The following BPIFB6 variants were observed in gnomAD, a reference collection of about 807,000 sequenced individuals.
The protein encoded by BPIFB6 is BPI fold-containing family B member 6.
A neutral mutation model predicts 54.7 loss-of-function variants in BPIFB6; 47 were observed. That is an observed-to-expected ratio of 0.86 (90% CI 0.68 to 1.10). BPIFB6 has a LOEUF of 1.10. Ranked by LOEUF, BPIFB6 falls within the 50% of genes least tolerant of loss-of-function variation. BPIFB6 has a pLI of 0.00. For synonymous variants in BPIFB6, 255 were observed against 225.9 expected (o/e 1.13, Z -1.16); for missense variants, 603 against 564.1 (o/e 1.07, Z -0.70).
intron 7 of BPIFB6, 68 bp from the exon 8 acceptor site, chr20:33,037,494 G>A (rs1190911487): frequency 6.7e-7 from 1 of 1,483,700 alleles, no homozygotes; most frequent in Non-Finnish European, 9.1e-7. Flanking sequence ...TTGCTTGGAG[G>A]ACTGAGACAC....
chr20:33,042,081 A>C, intron 12 of BPIFB6, 66 bp downstream of exon 12: 2 of 1,507,326 alleles, frequency 1.3e-6, no homozygotes, highest in Non-Finnish European at 1.8e-6. Flanking sequence ...CTCCCTCGGA[A>C]CTACAGGGCC....
chr20:33,039,025 C>T, intron 9 of BPIFB6, 63 bp downstream of exon 9: 1 of 1,540,874 alleles, frequency 6.5e-7, no homozygotes, highest in Non-Finnish European at 9.0e-7. Flanking sequence ...TCCAGTCTGT[C>T]CTGCAGTGGG....
intron 2 of BPIFB6, 25 bp downstream of exon 2, chr20:33,033,108 G>A (rs1979176094): frequency 1.3e-6 from 2 of 1,577,146 alleles, no homozygotes; most frequent in South Asian, 1.1e-5. Flanking sequence ...GGAGCTGGAG[G>A]GTGGTGGTTA....
chr20:33,039,542 C>G, intron 10 of BPIFB6, 22 bp downstream of exon 10: 1 of 1,585,216 alleles, frequency 6.3e-7, no homozygotes, highest in South Asian at 1.2e-5. Flanking sequence ...CGTTCCCTTC[C>G]CCATTTATTC....
Position 33,042,872 on chromosome 20 carries a change from G to A in BPIFB6, c.1246G>A (p.Val416Ile). Reference protein sequence around the residue: ...SYLEEAYIPVVNDVLQVGLPL... With the variant: ...SYLEEAYIPVINDVLQVGLPL... ...TCTCGAAGAAGCCTACATCCCAGTTGTCAATGGTGAGGGTTCCAAAAGGCT... is the reference window on the plus strand; with the variant it reads ...TCTCGAAGAAGCCTACATCCCAGTTATCAATGGTGAGGGTTCCAAAAGGCT... Residue 416 changes from valine to isoleucine, a missense_variant, in exon 13 of 15, where the codon GTC becomes ATC. Transcript: ENST00000349552. The A allele has an allele frequency of 6.2e-7, 1 of 1,614,062 alleles. No individual in the cohort carries two copies. Among genetic ancestry groups the A allele is most frequent in the Non-Finnish European group, 8.5e-7 (1 of 1,179,920 alleles).
rs766304727 is a variant in BPIFB6, at chr20:33,039,530, A to G, written c.1074+10A>G. 2 of 1,595,054 alleles carry G rather than the reference A, an allele frequency of 1.3e-6. No homozygotes were observed. Among genetic ancestry groups the G allele is most frequent in the African/African-American group, 1.3e-5 (1 of 74,114 alleles). Reference sequence around the variant, plus strand: ...CTTTCTCCTAGAAGTGGTGAGGGAAATCGTTCCCTTCCCCATTTATTCCCA... The same window carrying G: ...CTTTCTCCTAGAAGTGGTGAGGGAAGTCGTTCCCTTCCCCATTTATTCCCA... On this transcript the variant is annotated intron_variant, in intron 10 of 14. Coordinates refer to ENST00000349552, the MANE Select transcript of BPIFB6 (RefSeq NM_174897.2).
In BPIFB6 at chr20:33,031,764, G is replaced by A. The variant is rs763500055; in HGVS notation, c.97+20G>A. The A allele has an allele frequency of 5.0e-6, 8 of 1,611,166 alleles. No individual in the cohort carries two copies. Among genetic ancestry groups the A allele is most frequent in the South Asian group, 3.3e-5 (3 of 90,890 alleles). ...TGAACCGTGGTGAGCTTGTGGGCCC[G>A]GGCGTGCAGCTGGGAGGCGGTGCTT... On this transcript the variant is annotated intron_variant, in intron 1 of 14. Coordinates refer to ENST00000349552, the MANE Select transcript of BPIFB6 (RefSeq NM_174897.2).
In BPIFB6 at chr20:33,039,433, G is replaced by A; in HGVS notation, c.987G>A (p.Lys329=). The part of the protein sequence containing the change: ...KPPKVTMKTG[K]SLLHLHSTLE... ...CCAAGGTCACTATGAAGACAGGCAA[G>A]AGCCTGCTGCACCTCCACAGCACCC... Residue 329 remains lysine, a synonymous_variant, in exon 10 of 15, where the codon AAG becomes AAA. Transcript: ENST00000349552. 1 of 1,614,206 alleles carries A rather than the reference G, an allele frequency of 6.2e-7. No homozygotes were observed.
At chr20:33,040,936 C>G (rs77286527) in intron 11 of BPIFB6, among the ~76,000 whole-genome samples, 436 of 151,918 alleles carry the variant, frequency 2.9e-3, no homozygotes, top group African/African-American at 0.01. Flanking sequence ...CTGGCTTAAG[C>G]CCCAAAGGGA....
chr20:33,040,777 A>C (rs1336878165), intron 11 of BPIFB6, among the ~76,000 whole-genome samples: 1 of 152,182 alleles, frequency 6.6e-6, no homozygotes, highest in Non-Finnish European at 1.5e-5. Context: ...ATCCTATTTC[A>C]TTCTTACACT....
intron 2 of BPIFB6, among the ~76,000 whole-genome samples, chr20:33,033,980 A>G (rs1979213991): frequency 6.6e-6 from 1 of 152,094 alleles, no homozygotes; most frequent in South Asian, 2.1e-4. Flanking sequence ...CCTCCCATAT[A>G]ATGAGTGCTT....
chr20:33,040,666 C>T (rs1476439181), intron 11 of BPIFB6, among the ~76,000 whole-genome samples: 1 of 152,222 alleles, frequency 6.6e-6, no homozygotes, highest in African/African-American at 2.4e-5. Context: ...GCTCAAATGC[C>T]ACCTCCTCCA....
In BPIFB6 at chr20:33,037,460, C is replaced by T. The variant is rs1015562494; in HGVS notation, c.670-102C>T. ...TTAATAAGATTTAATGATTTGCTGACTTTGGGTTTGGCTGGAGCCCCATTT... is the reference window on the plus strand; with the variant it reads ...TTAATAAGATTTAATGATTTGCTGATTTTGGGTTTGGCTGGAGCCCCATTT... On this transcript the variant is annotated intron_variant, in intron 7 of 14. Coordinates refer to ENST00000349552, the MANE Select transcript of BPIFB6 (RefSeq NM_174897.2). 3.4e-6 allele frequency: 4 copies of T among 1,176,254 alleles called. No homozygotes were observed. In the African/African-American group the frequency reaches 6.2e-5, roughly 18 times the overall value. The allele number at this position is 1,176,254 out of a possible 1,614,324, so 72.9% of individuals were successfully genotyped here.
At chr20:33,033,454 G>A (rs1413858947) in intron 2 of BPIFB6, 8 of 455,572 alleles carry the variant, frequency 1.8e-5, no homozygotes, top group East Asian at 6.9e-5. Flanking sequence ...AATGACAAGA[G>A]GAAACTGGTT....
rs1979520669 is a variant in BPIFB6 at position 33,040,238 on chromosome 20, C to T, written c.1075-13C>T. The T allele has an allele frequency of 1.9e-6, 3 of 1,613,762 alleles. No homozygotes were observed. Among genetic ancestry groups the T allele is most frequent in the East Asian group, 4.5e-5 (2 of 44,874 alleles). On this transcript the variant is annotated splice_polypyrimidine_tract_variant and intron_variant, in intron 10 of 14. Transcript: ENST00000349552. ...CCCACTGCCTTCTCCCTGCTTCCTC[C>T]CCACCATGCCAGCACTTCAATCTGA...
intron 9 of BPIFB6, among the ~76,000 whole-genome samples, 171 bp downstream of exon 9, chr20:33,039,133 G>A (rs1979467458): frequency 6.6e-6 from 1 of 152,202 alleles, no homozygotes; most frequent in African/African-American, 2.4e-5. Flanking sequence ...ATAGAAAACA[G>A]CTCTACTTTT....
intron 14 of BPIFB6, among the ~76,000 whole-genome samples, 168 bp from the exon 15 acceptor site, chr20:33,043,847 G>T (rs921140571): frequency 6.6e-6 from 1 of 152,092 alleles, no homozygotes; most frequent in Non-Finnish European, 1.5e-5. Context: ...GAAAATTGAG[G>T]GTAAGAGAGG....
Position 33,037,663 on chromosome 20 carries a change from G to T in BPIFB6, c.771G>T (p.Leu257=), listed in dbSNP as rs1183114134. 1.2e-6 allele frequency: 2 copies of T among 1,614,166 alleles called. No homozygotes were observed. The highest frequency in any genetic ancestry group is 8.5e-7 in the Non-Finnish European group (1 of 1,180,032). ...ATGCCAAAGGCTCGTCGCAGCTGCTGCTCCCAGCCACCTTCCTCTCTGCAG... is the reference window on the plus strand; with the variant it reads ...ATGCCAAAGGCTCGTCGCAGCTGCTTCTCCCAGCCACCTTCCTCTCTGCAG... The part of the protein sequence containing the change: ...EGYAKGSSQL[L]LPATFLSAEL... Residue 257 remains leucine (L), a synonymous_variant, in exon 8 of 15, where the codon CTG becomes CTT. Transcript: ENST00000349552.
chr20:33,036,107 AGT>A (rs1267971142), intron 6 of BPIFB6, among the ~76,000 whole-genome samples: 15 of 152,304 alleles, frequency 9.8e-5, no homozygotes, highest in African/African-American at 2.9e-4. Flanking sequence ...TGTCCCCAGC[AGT>A]GTGGAATGGG....
Sources: allele counts gnomAD v4.1 joint callset (sites outside exome capture counted in the v4.1 genomes callset), GRCh38; gene constraint gnomAD v4.1.1; transcripts MANE v1.5; gene names NCBI Gene and HGNC (gene_info 2026-07-23, HGNC 2026-07-21).